The following HECW1 variants were observed in gnomAD, a reference collection of about 807,000 sequenced individuals.
HECW1 encodes E3 ubiquitin-protein ligase HECW1.
A neutral mutation model predicts 182.3 loss-of-function variants in HECW1; 61 were observed. That is an observed-to-expected ratio of 0.33 (90% CI 0.27 to 0.41). HECW1 has a LOEUF of 0.41. Ranked by LOEUF, HECW1 falls within the 10% of genes least tolerant of loss-of-function variation. HECW1 has a pLI of 1.00. For missense variants in HECW1, 1,739 were observed against 2,108.9 expected (o/e 0.82, Z 3.44); for synonymous variants, 859 against 832.6 (o/e 1.03, Z -0.55).
chr7:43,195,997 C>T lies in HECW1; in HGVS notation c.-31-47878C>T, dbSNP rs763045238. Among the ~76,000 whole-genome samples the T allele has an allele frequency of 7.2e-5, 11 of 152,166 alleles. No individual in the cohort carries two copies. In the South Asian group the frequency reaches 1.0e-3, roughly 14 times the overall value. ...GAAACCCAGGCCAAATCCAGCACCA[C>T]GTTGGGTCCAGTCGGTCTTAGCCAG... On this transcript the variant is annotated intron_variant, in intron 2 of 29. Coordinates refer to ENST00000395891, the MANE Select transcript of HECW1 (RefSeq NM_015052.5).
intron 2 of HECW1, among the ~76,000 whole-genome samples, chr7:43,116,713 T>C (rs1440883224): frequency 6.6e-6 from 1 of 152,232 alleles, no homozygotes; most frequent in African/African-American, 2.4e-5. Flanking sequence ...ATGTCCTCTC[T>C]GTAAAACAGC....
chr7:43,321,712 T>A (rs1197678030), intron 5 of HECW1, among the ~76,000 whole-genome samples: 6 of 152,248 alleles, frequency 3.9e-5, no homozygotes, highest in Admixed American at 3.3e-4. Flanking sequence ...TCTGAAGTTA[T>A]CCATTGGCAT....
chr7:43,116,077 T>C (rs1011537419), intron 2 of HECW1, among the ~76,000 whole-genome samples: 17 of 152,124 alleles, frequency 1.1e-4, no homozygotes, highest in African/African-American at 3.9e-4. Flanking sequence ...TCCTTCACTT[T>C]GTGAGTCAGC....
chr7:43,216,293 G>A (rs1796434228), intron 2 of HECW1, among the ~76,000 whole-genome samples: 1 of 151,712 alleles, frequency 6.6e-6, no homozygotes, highest in South Asian at 2.1e-4. Context: ...CTACAGGTGT[G>A]CACCACCATG....
intron 2 of HECW1, chr7:43,241,611 A>G (rs1798877622): frequency 9.3e-6 from 1 of 107,584 alleles, no homozygotes; most frequent in African/African-American, 3.9e-5. Context: ...TTACTCTCCT[A>G]ATGTATGTGT....
chr7:43,450,762 A>G (rs1232275260), intron 11 of HECW1, 66 bp from the exon 12 acceptor site: 2 of 1,012,800 alleles, frequency 2.0e-6, no homozygotes, highest in Middle Eastern at 2.0e-4. Context: ...TTTTACAGTC[A>G]TGCTTTTTTG....
At chr7:43,275,755 A>G (rs143590853) in intron 3 of HECW1, among the ~76,000 whole-genome samples, 2,006 of 98,392 alleles carry the variant, frequency 0.02, 39 homozygotes, top group African/African-American at 0.075. Context: ...TCCCCCACTC[A>G]CTCCCTGCAA....
At chr7:43,121,947 T>A (rs920922278) in intron 2 of HECW1, 4 of 152,212 alleles carry the variant, frequency 2.6e-5, no homozygotes, top group African/African-American at 9.6e-5. Flanking sequence ...ACCTAAGAGT[T>A]GAGAAGGTCT....
intron 11 of HECW1, among the ~76,000 whole-genome samples, chr7:43,446,517 A>G (rs1282063711): frequency 6.6e-6 from 1 of 152,180 alleles, no homozygotes; most frequent in Non-Finnish European, 1.5e-5. Flanking sequence ...TTAGCCTCCA[A>G]CAAAAGGCGG....
At chr7:43,360,358 G>A (rs1055689647) in intron 5 of HECW1, among the ~76,000 whole-genome samples, 35 of 151,964 alleles carry the variant, frequency 2.3e-4, no homozygotes, top group Non-Finnish European at 4.9e-4. Context: ...AACTACAGAT[G>A]CGTGCTACCA....
intron 2 of HECW1, among the ~76,000 whole-genome samples, chr7:43,133,303 AT>A (rs1787163326): frequency 1.3e-5 from 2 of 151,868 alleles, no homozygotes; most frequent in Admixed American, 1.3e-4. Context: ...TATACTATGT[AT>A]TTAACATTTA....
chr7:43,543,676 G>T (rs1382800346), intron 26 of HECW1, among the ~76,000 whole-genome samples: 1 of 151,498 alleles, frequency 6.6e-6, no homozygotes, highest in Non-Finnish European at 1.5e-5. Context: ...CTACTCAGGA[G>T]GCTGAGACAG....
At chr7:43,119,905 G>A (rs778899046) in intron 2 of HECW1, among the ~76,000 whole-genome samples, 2 of 152,162 alleles carry the variant, frequency 1.3e-5, no homozygotes, top group Non-Finnish European at 2.9e-5. Context: ...CTGGTTTTCT[G>A]TAGTCCTTGC....
At chr7:43,288,028 A>T (rs917038842) in intron 3 of HECW1, among the ~76,000 whole-genome samples, 1 of 152,170 alleles carries the variant, frequency 6.6e-6, no homozygotes, top group African/African-American at 2.4e-5. Context: ...GTAGACAGAG[A>T]TAGTTGAGGA....
At chr7:43,366,832 G>A (rs1267647724) in intron 6 of HECW1, among the ~76,000 whole-genome samples, 3 of 152,164 alleles carry the variant, frequency 2.0e-5, no homozygotes, top group African/African-American at 7.2e-5. Flanking sequence ...AGGAGAGTTT[G>A]TTCTCTGTTT....
At chr7:43,299,323 C>A (rs563058530) in intron 3 of HECW1, among the ~76,000 whole-genome samples, 2 of 152,146 alleles carry the variant, frequency 1.3e-5, no homozygotes, top group African/African-American at 4.8e-5. Flanking sequence ...TTCCCGGTAT[C>A]TTTGGTGTAT....
At chr7:43,400,020 G>A (rs2075354774) in intron 7 of HECW1, among the ~76,000 whole-genome samples, 1 of 152,144 alleles carries the variant, frequency 6.6e-6, no homozygotes, top group South Asian at 2.1e-4. Flanking sequence ...AGGATTGCTT[G>A]AGCCCAGGAG....
chr7:43,542,327 T>C (rs1290210594), intron 26 of HECW1, among the ~76,000 whole-genome samples: 1 of 152,160 alleles, frequency 6.6e-6, no homozygotes, highest in Admixed American at 6.5e-5. Flanking sequence ...TCACTTAGCA[T>C]AATGTCCTCA....
Position 43,414,165 on chromosome 7 carries a change from C to A in HECW1, c.801+6434C>A, listed in dbSNP as rs959210070. Among the ~76,000 whole-genome samples, 3 of 151,274 alleles carry A rather than the reference C, an allele frequency of 2.0e-5. No individual in the cohort carries two copies. In the East Asian group the frequency reaches 5.8e-4, roughly 29 times the overall value. On this transcript the variant is annotated intron_variant, in intron 8 of 29. Coordinates refer to ENST00000395891, the MANE Select transcript of HECW1 (RefSeq NM_015052.5). ...GTTTCTAGTTCTCCTTGAAGAGGTC[C>A]TTCACATCCCTTGTAAGTTGGATTC... is the stretch of plus-strand genomic sequence containing the variant.
Sources: allele counts gnomAD v4.1 joint callset (sites outside exome capture counted in the v4.1 genomes callset), GRCh38; gene constraint gnomAD v4.1.1; transcripts MANE v1.5; gene names NCBI Gene and HGNC (gene_info 2026-07-23, HGNC 2026-07-21).